Variants in ZNF676 observed in about 807,000 individuals in gnomAD.
ZNF676 encodes zinc finger protein 676.
Under a neutral mutation model 6.0 loss-of-function variants are expected in ZNF676, and 4 were observed. The ratio of observed to expected loss-of-function variants is 0.67; its 90% CI spans 0.33 to 1.53. The LOEUF (loss-of-function observed/expected upper bound fraction) is 1.53, where lower values mean the gene tolerates loss of function less well. Ranked by LOEUF, ZNF676 falls within the 40% of genes most tolerant of loss-of-function variation. ZNF676 has a pLI of 0.06. For synonymous variants in ZNF676, 198 were observed against 223.1 expected, an observed-to-expected ratio of 0.89 and a Z score of 1.00; for missense variants, 644 against 679.7, an observed-to-expected ratio of 0.95 and a Z score of 0.58.
chr19:22,185,055 TC>T (rs1439480113), intron 2 of ZNF676, among the ~76,000 whole-genome samples: 1 of 152,042 alleles, frequency 6.6e-6, no homozygotes, highest in Non-Finnish European at 1.5e-5. Flanking sequence ...GTCCCTGACA[TC>T]CGTGTCTCCT....
rs1411938947 is a variant in ZNF676 at position 22,196,832 on chromosome 19, A to T, written c.-199T>A. On this transcript the variant is annotated 5_prime_UTR_variant, in exon 1 of 3. An upstream open reading frame in the 5' UTR gains an earlier in-frame stop. Coordinates refer to ENST00000397121, the MANE Select transcript of ZNF676 (RefSeq NM_001001411.3). Reference sequence around the variant, plus strand: ...GAGTAGAGAGAGCTGGTTCTGACTTATATGAATGACTGAAATTATTCAATA... The same window carrying T: ...GAGTAGAGAGAGCTGGTTCTGACTTTTATGAATGACTGAAATTATTCAATA... The T allele has an allele frequency of 9.8e-7, 1 of 1,023,650 alleles. No individual in the cohort carries two copies. Among genetic ancestry groups the T allele is most frequent in the African/African-American group, 1.6e-5 (1 of 61,984 alleles). 63.4% of individuals were successfully genotyped at this position (1,023,650 alleles called of 1,614,324 possible). A position where few individuals can be genotyped will look rare whatever the true frequency, so the allele number is the denominator to read the frequency against.
At chr19:22,250,049 G>A in the ZNF676 span, among the ~76,000 whole-genome samples, 1 of 151,848 alleles carries the variant, frequency 6.6e-6, no homozygotes, top group Non-Finnish European at 1.5e-5. Context: ...AAGTGTGGTG[G>A]CACATGCTTG....
the ZNF676 span, among the ~76,000 whole-genome samples, chr19:22,255,276 G>C: frequency 6.6e-6 from 1 of 152,086 alleles, no homozygotes; most frequent in African/African-American, 2.4e-5. Context: ...AAATTGGCTG[G>C]GTTCATGTGG....
chr19:22,224,644 A>T, the ZNF676 span, among the ~76,000 whole-genome samples: 1 of 152,184 alleles, frequency 6.6e-6, no homozygotes, highest in Admixed American at 6.5e-5. Context: ...TTCTTCTAAA[A>T]TAATTTTTGT....
chr19:22,245,354 C>T, the ZNF676 span: 2 of 152,070 alleles, frequency 1.3e-5, no homozygotes, highest in African/African-American at 2.4e-5. Flanking sequence ...GTCACTTTCC[C>T]TTGTGTGGGC....
chr19:22,228,919 G>A, the ZNF676 span, among the ~76,000 whole-genome samples: 2 of 152,126 alleles, frequency 1.3e-5, no homozygotes. Context: ...CATGAAAATG[G>A]CCATACTGCC....
chr19:22,236,118 T>C, the ZNF676 span, among the ~76,000 whole-genome samples: 3 of 151,560 alleles, frequency 2.0e-5, no homozygotes, highest in Non-Finnish European at 2.9e-5. Context: ...ATCTCTGAAA[T>C]CCCTCCACGG....
At chr19:22,229,388 C>T in the ZNF676 span, among the ~76,000 whole-genome samples, 1 of 152,166 alleles carries the variant, frequency 6.6e-6, no homozygotes, top group Non-Finnish European at 1.5e-5. Context: ...ACACCCCAAA[C>T]CATAAAAACC....
chr19:22,248,405 C>T, the ZNF676 span, among the ~76,000 whole-genome samples: 2 of 152,284 alleles, frequency 1.3e-5, no homozygotes, highest in Non-Finnish European at 2.9e-5. Flanking sequence ...TCTCCAGCAC[C>T]TGTTGTTTCC....
At chr19:22,203,301 G>C (rs2024044172) in intron 1 of ZNF676, 1 of 153,140 alleles carries the variant, frequency 6.5e-6, no homozygotes, top group South Asian at 2.1e-4. Flanking sequence ...ATAGCTCTGA[G>C]AGTTCTCACT....
the ZNF676 span, among the ~76,000 whole-genome samples, chr19:22,258,009 G>A: frequency 7.9e-5 from 12 of 152,044 alleles, no homozygotes; most frequent in African/African-American, 2.9e-4. Flanking sequence ...TTGTGGACAG[G>A]ACTGAAAAAA....
At chr19:22,223,248 T>A in the ZNF676 span, among the ~76,000 whole-genome samples, 1 of 152,198 alleles carries the variant, frequency 6.6e-6, no homozygotes, top group African/African-American at 2.4e-5. Flanking sequence ...GAAAAGAATG[T>A]TCCTCAATCT....
At chr19:22,215,804 C>CT (rs371677878), upstream of ZNF676, 1,029 of 684,276 alleles carry the variant, frequency 1.5e-3, 14 homozygotes, top group South Asian at 2.1e-4. Flanking sequence ...CTGTCCCCCC[C>CT]CCCAGCTGCC....
chr19:22,230,109 C>G, the ZNF676 span, among the ~76,000 whole-genome samples: 1 of 152,336 alleles, frequency 6.6e-6, no homozygotes, highest in East Asian at 1.9e-4. Flanking sequence ...AAGTGCCCAT[C>G]AGTGATAGAC....
chr19:22,180,379 C>G lies in ZNF676; in HGVS notation c.1338G>C (p.Glu446Asp). 1 of 1,613,940 alleles carries G rather than the reference C, an allele frequency of 6.2e-7. No individual in the cohort carries two copies. Among genetic ancestry groups the G allele is most frequent in the Non-Finnish European group, 8.5e-7 (1 of 1,179,920 alleles). Residue 446 changes from glutamate (E) to aspartate (D), a missense_variant, in exon 3 of 3, where the codon GAG becomes GAC. Transcript: ENST00000397121. ...LTEHKRIHAG[E>D]KPYKCEECGK... ...CACATTCTTCACATTTGTAGGGTTT[C>G]TCTCCAGCATGAATTCTCTTGTGTT...
chr19:22,199,278 A>G (rs1830175), upstream of ZNF676, among the ~76,000 whole-genome samples: 103,107 of 152,072 alleles, frequency 0.68, 35,303 homozygotes, highest in South Asian at 0.84. Flanking sequence ...ATTAGCATTA[A>G]TTAGAGAAAT....
the ZNF676 span, among the ~76,000 whole-genome samples, chr19:22,249,347 TA>T: frequency 2.3e-3 from 352 of 152,194 alleles, 4 homozygotes; most frequent in African/African-American, 8.0e-3. Context: ...ATTAAGCTTG[TA>T]AAAAAAATTC....
At chr19:22,256,241 G>A in the ZNF676 span, among the ~76,000 whole-genome samples, 5 of 152,200 alleles carry the variant, frequency 3.3e-5, no homozygotes, top group Admixed American at 6.5e-5. Flanking sequence ...CCTGTGAGAT[G>A]GGACATGTAA....
chr19:22,235,523 T>C, the ZNF676 span, among the ~76,000 whole-genome samples: 2 of 152,196 alleles, frequency 1.3e-5, no homozygotes, highest in African/African-American at 4.8e-5. Context: ...AAGGAATATC[T>C]TGACAGGCCC....
Sources: gnomAD v4.1 joint callset for allele counts (sites outside exome capture counted in the v4.1 genomes callset) on GRCh38, gnomAD v4.1.1 for gene constraint, MANE v1.5 for transcripts, NCBI Gene and HGNC (gene_info 2026-07-23, HGNC 2026-07-21) for gene names.